Variants in SEC24D observed in about 807,000 individuals in gnomAD.
SEC24D encodes protein transport protein Sec24D.
Under a neutral mutation model 116.9 loss-of-function variants are expected in SEC24D, and 69 were observed. The ratio of observed to expected loss-of-function variants is 0.59; its 90% CI spans 0.49 to 0.72. The LOEUF (loss-of-function observed/expected upper bound fraction) is 0.72, where lower values mean the gene tolerates loss of function less well. Among genes scored for constraint, SEC24D ranks in the 30% least tolerant of loss-of-function variants. The pLI is 0.00. For synonymous variants in SEC24D, 405 were observed against 442.8 expected (o/e 0.91, Z 1.07); for missense variants, 1,131 against 1,264.1 (o/e 0.89, Z 1.60).
At chr4:118,741,064 C>T in intron 15 of SEC24D, 27 bp from the exon 16 acceptor site, 1 of 1,198,794 alleles carries the variant, frequency 8.3e-7, no homozygotes, top group Non-Finnish European at 1.2e-6. Flanking sequence ...TAATCAATGT[C>T]CACCAGATGG....
chr4:118,825,772 C>A (rs558124077), intron 2 of SEC24D, among the ~76,000 whole-genome samples: 2 of 152,308 alleles, frequency 1.3e-5, no homozygotes, highest in African/African-American at 4.8e-5. Context: ...TTTGACCATA[C>A]CCTGCTCTCT....
chr4:118,731,079 C>G (rs1725662105), intron 21 of SEC24D: 2 of 487,926 alleles, frequency 4.1e-6, no homozygotes, highest in Admixed American at 3.3e-5. Flanking sequence ...AGTTAATGAT[C>G]TGGAAGTGTT....
At chr4:118,824,501 G>A in intron 3 of SEC24D, 119 bp downstream of exon 3, 1 of 1,040,460 alleles carries the variant, frequency 9.6e-7, no homozygotes, top group Non-Finnish European at 1.4e-6. Context: ...ATCCTTTCAG[G>A]GGTGTGTAAC....
chr4:118,743,874 G>C, intron 15 of SEC24D, 114 bp downstream of exon 15: 3 of 944,786 alleles, frequency 3.2e-6, no homozygotes, highest in East Asian at 5.3e-5. Flanking sequence ...ATCTGCTCTT[G>C]AATTTATATG....
At chr4:118,729,002 G>T in intron 21 of SEC24D, 1 of 180,324 alleles carries the variant, frequency 5.5e-6, no homozygotes, top group Non-Finnish European at 1.2e-5. Context: ...TGTAAAAAAT[G>T]CATCTGTACT....
chr4:118,726,730 G>A (rs1444034313), intron 22 of SEC24D, among the ~76,000 whole-genome samples: 1 of 152,150 alleles, frequency 6.6e-6, no homozygotes, highest in Non-Finnish European at 1.5e-5. Context: ...GAATTTCTCA[G>A]GAAGGCACTT....
chr4:118,734,792 A>G (rs921323549), intron 19 of SEC24D, among the ~76,000 whole-genome samples: 1 of 152,208 alleles, frequency 6.6e-6, no homozygotes, highest in Non-Finnish European at 1.5e-5. Context: ...TTTATTCATA[A>G]GAGTAGAACA....
chr4:118,830,848 G>C (rs950906875), intron 2 of SEC24D, among the ~76,000 whole-genome samples: 1 of 152,130 alleles, frequency 6.6e-6, no homozygotes, highest in Non-Finnish European at 1.5e-5. Context: ...CAGTATTGGA[G>C]AGAGGGATAA....
chr4:118,800,969 G>A (rs1000279507), intron 7 of SEC24D, among the ~76,000 whole-genome samples: 8 of 151,804 alleles, frequency 5.3e-5, no homozygotes, highest in Non-Finnish European at 8.8e-5. Context: ...TTTTAGTCAG[G>A]GTTAAAAAAA....
At chr4:118,741,374 C>T (rs189299968) in intron 15 of SEC24D, among the ~76,000 whole-genome samples, 1 of 152,192 alleles carries the variant, frequency 6.6e-6, no homozygotes, top group Admixed American at 6.5e-5. Context: ...TGTATAATAC[C>T]CGTTTAATGA....
rs143180885 is a variant in SEC24D, at chr4:118,824,687, G to T, written c.181C>A (p.Pro61Thr). 3,151 of 1,608,832 alleles carry T rather than the reference G, an allele frequency of 2.0e-3. 7 individuals are homozygous for T. Among genetic ancestry groups the T allele is most frequent in the Non-Finnish European group, 2.3e-3 (2,749 of 1,177,894 alleles). ...AACTGATGGGGTCCAGGAGGTGGGG[G>T]ACCCGGAGGCAACATTCCCCTAGTG... ...TATRGMLPPG[P>T]PPPGPHQFGQ... Residue 61 changes from proline (P) to threonine (T), a missense_variant, in exon 3 of 23, where the codon CCC becomes ACC. By Grantham distance (38) the Pro-to-Thr change is conservative. Coordinates refer to ENST00000280551, the MANE Select transcript of SEC24D (RefSeq NM_014822.4).
At chr4:118,827,822 T>G (rs891633312) in intron 2 of SEC24D, among the ~76,000 whole-genome samples, 1 of 152,160 alleles carries the variant, frequency 6.6e-6, no homozygotes, top group African/African-American at 2.4e-5. Context: ...ACAAATCCCT[T>G]TCCACTAAAG....
intron 6 of SEC24D, among the ~76,000 whole-genome samples, chr4:118,813,700 G>A (rs1038961918): frequency 2.6e-5 from 4 of 152,202 alleles, no homozygotes; most frequent in African/African-American, 9.7e-5. Context: ...ATGAGTTTTG[G>A]AGAAGACAAA....
At chr4:118,796,260 G>A (rs1193136756) in intron 8 of SEC24D, among the ~76,000 whole-genome samples, 1 of 152,160 alleles carries the variant, frequency 6.6e-6, no homozygotes, top group Non-Finnish European at 1.5e-5. Context: ...TAAAATGCAT[G>A]CATTGTACAT....
chr4:118,780,104 C>T (rs765608675), intron 8 of SEC24D, among the ~76,000 whole-genome samples: 2 of 152,148 alleles, frequency 1.3e-5, no homozygotes, highest in Non-Finnish European at 2.9e-5. Context: ...CTATCTCCTT[C>T]AGTTCTGCTC....
At chr4:118,787,108 A>T (rs1409334780) in intron 8 of SEC24D, among the ~76,000 whole-genome samples, 1 of 152,236 alleles carries the variant, frequency 6.6e-6, no homozygotes, top group Non-Finnish European at 1.5e-5. Context: ...TCTGTTCTTC[A>T]GCTGCCAAAC....
chr4:118,812,798 A>AG (rs1376978563), intron 6 of SEC24D, among the ~76,000 whole-genome samples: 20 of 152,316 alleles, frequency 1.3e-4, no homozygotes, highest in Middle Eastern at 3.4e-3. Context: ...CCTTGTGATA[A>AG]GGAAGGGGTC....
rs1727568621 is a variant in SEC24D at position 118,764,910 on chromosome 4, T to C, written c.1188A>G (p.Pro396=). Reference sequence around the variant, plus strand: ...TGTGGTCCAGATGTTGGAAATAGAATGGTGGAACTAATAAAAACAAAATAG... The same window carrying C: ...TGTGGTCCAGATGTTGGAAATAGAACGGTGGAACTAATAAAAACAAAATAG... The part of the protein sequence containing the change: ...GFCNCVNDVP[P]FYFQHLDHIG... Residue 396 remains proline, a synonymous_variant, in exon 10 of 23, where the codon CCA becomes CCG. Transcript: ENST00000280551. 6.4e-7 allele frequency: 1 copy of C among 1,573,492 alleles called. No individual in the cohort carries two copies.
At chr4:118,833,879 T>C (rs1208170292) in intron 1 of SEC24D, 142 bp from the exon 2 acceptor site, 5 of 532,442 alleles carry the variant, frequency 9.4e-6, no homozygotes, top group Non-Finnish European at 1.7e-5. Context: ...CTTTGTATTA[T>C]ACAATATATC....
Sources: allele counts gnomAD v4.1 joint callset (sites outside exome capture counted in the v4.1 genomes callset), GRCh38; gene constraint gnomAD v4.1.1; transcripts MANE v1.5; gene names NCBI Gene and HGNC (gene_info 2026-07-23, HGNC 2026-07-21).